The following TBCCD1 variants were observed in gnomAD, a reference collection of about 807,000 sequenced individuals.
TBCCD1 encodes TBCC domain containing 1, also known as TBCC domain-containing protein 1.
TBCCD1 carries 26 observed loss-of-function variants against 53.4 expected under a neutral mutation model. The ratio of observed to expected loss-of-function variants is 0.49; its 90% CI spans 0.36 to 0.68. TBCCD1 has a LOEUF of 0.68. Among genes scored for constraint, TBCCD1 ranks in the 30% least tolerant of loss-of-function variants. The pLI, the probability that TBCCD1 is intolerant of heterozygous loss-of-function variation, is 0.00. For missense variants in TBCCD1, 558 were observed against 669.5 expected, an observed-to-expected ratio of 0.83 and a Z score of 1.84; for synonymous variants, 245 against 241.7, an observed-to-expected ratio of 1.01 and a Z score of -0.13.
intron 2 of TBCCD1, among the ~76,000 whole-genome samples, chr3:186,562,408 T>C (rs1714713444): frequency 6.6e-6 from 1 of 152,148 alleles, no homozygotes; most frequent in African/African-American, 2.4e-5. Flanking sequence ...TGGAGGACAT[T>C]ATGCTAAGTA....
upstream of TBCCD1, chr3:186,570,082 G>A (rs745479597): frequency 7.5e-5 from 52 of 697,726 alleles, no homozygotes; most frequent in Middle Eastern, 4.6e-4. Flanking sequence ...AGACTTGGGA[G>A]GAGGGGAGGG....
At chr3:186,547,189 G>A (rs1714238536) in intron 7 of TBCCD1, among the ~76,000 whole-genome samples, 1 of 151,266 alleles carries the variant, frequency 6.6e-6, no homozygotes. Flanking sequence ...AAGCAGTGAA[G>A]ATTAAACAAA....
chr3:186,561,401 C>T (rs952899492), intron 2 of TBCCD1, among the ~76,000 whole-genome samples: 1 of 152,194 alleles, frequency 6.6e-6, no homozygotes, highest in African/African-American at 2.4e-5. Flanking sequence ...TATCACCTCA[C>T]ACTTGTTAAC....
rs140253063 is a variant in TBCCD1 at position 186,564,918 on chromosome 3, A to G, written c.-43-546T>C. Among the ~76,000 whole-genome samples the G allele has an allele frequency of 5.8e-3, 877 of 152,304 alleles. 7 individuals are homozygous for G. The highest frequency in any genetic ancestry group is 0.011 in the Non-Finnish European group (725 of 68,034). ...AGAAGTTACAGCATCTTTATTCTCT[A>G]TAACAGTGAACCCACTCTAGCATAT... On this transcript the variant is annotated intron_variant, in intron 1 of 7. Transcript: ENST00000338733.
chr3:186,564,474 ACAT>A (rs1327513075), intron 1 of TBCCD1, 102 bp from the exon 2 acceptor site: 1 of 699,070 alleles, frequency 1.4e-6, no homozygotes, highest in African/African-American at 1.8e-5. Context: ...CATATGTACT[ACAT>A]CATCATCTTA....
intron 7 of TBCCD1, among the ~76,000 whole-genome samples, chr3:186,547,606 CTTTTT>C (rs574168560): frequency 1.2e-4 from 15 of 127,134 alleles, no homozygotes; most frequent in Non-Finnish European, 2.4e-4. Context: ...TTGCTAAATT[CTTTTT>C]TTTTTTTTTT....
chr3:186,563,441 G>GCTATC (rs1714739784), intron 2 of TBCCD1, among the ~76,000 whole-genome samples: 1 of 152,102 alleles, frequency 6.6e-6, no homozygotes, highest in African/African-American at 2.4e-5. Context: ...GGGTTGAGAT[G>GCTATC]CTATCCTAAT....
intron 1 of TBCCD1, among the ~76,000 whole-genome samples, chr3:186,566,055 T>TTTTTTTTTTA (rs1714819732): frequency 6.6e-6 from 1 of 151,826 alleles, no homozygotes; most frequent in African/African-American, 2.4e-5. Context: ...TTTTTTTTTT[T>TTTTTTTTTTA]GAGACGGAGT....
intron 7 of TBCCD1, among the ~76,000 whole-genome samples, chr3:186,549,056 G>A (rs914294878): frequency 8.6e-5 from 13 of 151,426 alleles, no homozygotes; most frequent in Admixed American, 2.0e-4. Context: ...GGAGGCCAAG[G>A]TGGGCAGATC....
At position 186,554,349 on chromosome 3, in the gene TBCCD1, G is replaced by A. The variant is rs776945134; in HGVS notation, c.1449C>T (p.Pro483=). ...FEMEGDTTEI[P]GGLPSVYQKA... is the part of the protein sequence containing the mutation. ...TCTGATATACAGATGGAAGACCCCCGGGTATCTCTGTTGTGTCCCCTTCCA... is the reference window on the plus strand; with the variant it reads ...TCTGATATACAGATGGAAGACCCCCAGGTATCTCTGTTGTGTCCCCTTCCA... The change falls in exon 6 of 8, where the codon CCC becomes CCT. Residue 483 remains proline, a synonymous_variant. Coordinates refer to ENST00000338733, the MANE Select transcript of TBCCD1 (RefSeq NM_018138.5). 8 of 1,614,058 alleles carry A rather than the reference G, an allele frequency of 5.0e-6. No individual in the cohort carries two copies. The highest frequency in any genetic ancestry group is 3.3e-5 in the South Asian group (3 of 91,088).
intron 7 of TBCCD1, among the ~76,000 whole-genome samples, chr3:186,548,169 A>G (rs1385962195): frequency 6.6e-6 from 1 of 152,234 alleles, no homozygotes; most frequent in Non-Finnish European, 1.5e-5. Flanking sequence ...GATCCACACG[A>G]TGGAATATTA....
intron 1 of TBCCD1, among the ~76,000 whole-genome samples, chr3:186,564,874 A>G (rs191754454): frequency 1.3e-5 from 2 of 152,358 alleles, no homozygotes; most frequent in African/African-American, 4.8e-5. Context: ...GTAAATGTAG[A>G]CTGCAAGAAT....
chr3:186,562,824 T>C (rs956852811), intron 2 of TBCCD1, among the ~76,000 whole-genome samples: 5 of 152,160 alleles, frequency 3.3e-5, no homozygotes, highest in African/African-American at 4.8e-5. Flanking sequence ...TTGAGCTGTA[T>C]ACATAAAATA....
At chr3:186,565,109 CTT>C (rs370017010) in intron 1 of TBCCD1, among the ~76,000 whole-genome samples, 27 of 124,740 alleles carry the variant, frequency 2.2e-4, no homozygotes, top group African/African-American at 4.4e-4. Context: ...TCTTCTTCTT[CTT>C]TTTTTTTTTT....
chr3:186,560,912 G>C (rs924671091), intron 2 of TBCCD1, among the ~76,000 whole-genome samples: 14 of 152,126 alleles, frequency 9.2e-5, no homozygotes, highest in Non-Finnish European at 7.4e-5. Flanking sequence ...TGAGAAAACT[G>C]GATCTACAAA....
chr3:186,565,274 C>T lies in TBCCD1; in HGVS notation c.-43-902G>A, dbSNP rs536442368. ...TACAGGCGTCCACCACCACACCTGG[C>T]TAATTTTTGTATTTTTAGTAGAGAT... is the stretch of plus-strand genomic sequence containing the variant. On this transcript the variant is annotated intron_variant, in intron 1 of 7. Transcript: ENST00000338733. 2.3e-4 allele frequency among the ~76,000 whole-genome samples: 35 copies of T among 152,128 alleles called. No homozygotes were observed. The South Asian group carries it at 7.1e-3, about 31-fold the overall frequency.
chr3:186,556,329 G>A (rs1039548362), intron 4 of TBCCD1, 80 bp downstream of exon 4: 9 of 1,491,826 alleles, frequency 6.0e-6, no homozygotes, highest in African/African-American at 1.5e-5. Context: ...GAGAAGACAC[G>A]AGATCACTAA....
At chr3:186,555,510 C>G (rs1002478617) in intron 4 of TBCCD1, among the ~76,000 whole-genome samples, 8 of 152,120 alleles carry the variant, frequency 5.3e-5, no homozygotes, top group Non-Finnish European at 8.8e-5. Context: ...ATTCTGTACC[C>G]TTCCTAACTT....
chr3:186,556,837 A>G (rs1046892684), intron 3 of TBCCD1, 62 bp from the exon 4 acceptor site: 10 of 1,519,030 alleles, frequency 6.6e-6, no homozygotes, highest in East Asian at 2.4e-5. Context: ...TAAAATTTCT[A>G]TATTTTAATT....
Sources: allele counts gnomAD v4.1 joint callset (sites outside exome capture counted in the v4.1 genomes callset), GRCh38; gene constraint gnomAD v4.1.1; transcripts MANE v1.5; gene names NCBI Gene and HGNC (gene_info 2026-07-23, HGNC 2026-07-21).